RESF1: variants seen among roughly 807,000 people sequenced by gnomAD.
RESF1 encodes the protein retroelement silencing factor 1.
A neutral mutation model predicts 134.7 loss-of-function variants in RESF1; 65 were observed. The observed-to-expected ratio is 0.48, with a 90% CI of 0.40 to 0.59. The LOEUF (loss-of-function observed/expected upper bound fraction) is 0.59, where lower values mean the gene tolerates loss of function less well. Among genes scored for constraint, RESF1 ranks in the 20% least tolerant of loss-of-function variants. RESF1 has a pLI of 0.00. For synonymous variants in RESF1, 762 were observed against 702.2 expected (o/e 1.09, Z -1.35); for missense variants, 2,274 against 2,002.7 (o/e 1.14, Z -2.59).
rs143630974 is a variant in RESF1 at position 31,983,317 on chromosome 12, G to A, written c.2362G>A (p.Val788Met). 4.8e-4 allele frequency: 768 copies of A among 1,614,100 alleles called. 4 individuals carry two copies. In the African/African-American group the frequency reaches 9.4e-3, roughly 20 times the overall value. Residue 788 changes from valine to methionine, a missense_variant, in exon 4 of 6, where the codon GTG (valine) becomes ATG (methionine). Physicochemically the swap from Val to Met is conservative, Grantham distance 21. Transcript: ENST00000312561. Reference sequence around the variant, plus strand: ...AACACCTGCAGTGTTACCTGAAACAGTGTATCCCGTTATTAAAGAAGGCAG... The same window carrying A: ...AACACCTGCAGTGTTACCTGAAACAATGTATCCCGTTATTAAAGAAGGCAG... ...GITPAVLPET[V>M]YPVIKEGSVC... is the part of the protein sequence containing the mutation.
At chr12:31,976,517 C>G (rs1939636940) in intron 3 of RESF1, among the ~76,000 whole-genome samples, 2 of 152,014 alleles carry the variant, frequency 1.3e-5, no homozygotes, top group South Asian at 4.2e-4. Flanking sequence ...AACCCTGTCT[C>G]TACTAAAAAT....
rs768611975 is a variant in RESF1, at chr12:31,984,643, C to G, written c.3688C>G (p.Gln1230Glu). The G allele has an allele frequency of 2.5e-6, 4 of 1,575,278 alleles. No homozygotes were observed. The highest frequency in any genetic ancestry group is 3.4e-6 in the Non-Finnish European group (4 of 1,167,104). Residue 1230 changes from glutamine to glutamate, a missense_variant, in exon 4 of 6, where the codon CAA (glutamine) becomes GAA (glutamate). By Grantham distance (29) the Gln-to-Glu change is conservative (BLOSUM62 2). Coordinates refer to ENST00000312561, the MANE Select transcript of RESF1 (RefSeq NM_018169.4). ...TTCTGATAGAGATGTCACTGTTGTT[C>G]AATTTAAGAGCCTTGTAAATAATCC... ...RTSDRDVTVV[Q>E]FKSLVNNPKT...
chr12:31,985,038 G>C lies in RESF1; in HGVS notation c.4083G>C (p.Lys1361Asn), dbSNP rs1939931308. Residue 1361 changes from lysine (K) to asparagine (N), a missense_variant, in exon 4 of 6, where the codon AAG becomes AAC. By Grantham distance (94) the Lys-to-Asn change is moderately conservative. Coordinates refer to ENST00000312561, the MANE Select transcript of RESF1 (RefSeq NM_018169.4). ...SSLGQSLSPE[K>N]IKLKLKSVSF... ...TGGGACAGTCATTATCACCAGAAAA[G>C]ATAAAATTGAAACTCAAATCAGTTA... is the stretch of plus-strand genomic sequence containing the variant. 6.3e-7 allele frequency: 1 copy of C among 1,585,254 alleles called. No individual in the cohort carries two copies. The highest frequency in any genetic ancestry group is 8.5e-7 in the Non-Finnish European group (1 of 1,172,182).
intron 3 of RESF1, among the ~76,000 whole-genome samples, chr12:31,976,008 T>C (rs1939622591): frequency 6.6e-6 from 1 of 152,232 alleles, no homozygotes; most frequent in Non-Finnish European, 1.5e-5. Context: ...CTTTCCAAAG[T>C]GTTGGTTACT....
rs530299142 is a variant in RESF1, at chr12:31,962,959, C to T, written c.-247+2088C>T. Among the ~76,000 whole-genome samples, 56 of 152,116 alleles carry T rather than the reference C, an allele frequency of 3.7e-4. No homozygotes were observed. The South Asian group carries it at 0.011, about 29-fold the overall frequency. On this transcript the variant is annotated intron_variant, in intron 2 of 5. Transcript: ENST00000312561. ...CTAAAAGTACAAAAAATTAGCCAGG[C>T]GTGGTGGCACATGCCTGAAATCCCG...
At chr12:31,987,500 A>G (rs1940003194) in intron 5 of RESF1, among the ~76,000 whole-genome samples, 178 bp downstream of exon 5, 1 of 152,006 alleles carries the variant, frequency 6.6e-6, no homozygotes, top group African/African-American at 2.4e-5. Flanking sequence ...CGTGCTGTGG[A>G]ATGAAAGGCT....
intron 5 of RESF1, among the ~76,000 whole-genome samples, chr12:31,990,286 CACAA>C (rs1009034214): frequency 6.6e-6 from 1 of 152,058 alleles, no homozygotes; most frequent in African/African-American, 2.4e-5. Flanking sequence ...GAAAGAAAAA[CACAA>C]ACCAGGTACA....
rs914717303 is a variant in RESF1, at chr12:31,960,870, C to G, written c.-248C>G. 2.0e-5 allele frequency: 3 copies of G among 152,162 alleles called. No homozygotes were observed. Among genetic ancestry groups the G allele is most frequent in the African/African-American group, 7.2e-5 (3 of 41,436 alleles). 9.4% of individuals were successfully genotyped at this position (152,162 alleles called of 1,614,324 possible). ...AATTAAAGAGTAAAGTTGTGCTCAA[C>G]GGTAAGTGTATCACCTCTAAGAAAC... On this transcript the variant is annotated splice_region_variant and 5_prime_UTR_variant, in exon 2 of 6. Coordinates refer to ENST00000312561, the MANE Select transcript of RESF1 (RefSeq NM_018169.4).
In RESF1 at chr12:31,981,479, G is replaced by A. The variant is rs138191568; in HGVS notation, c.524G>A (p.Arg175Gln). The A allele has an allele frequency of 1.1e-4, 180 of 1,613,926 alleles. No homozygotes were observed. The East Asian group carries it at 2.9e-3, about 26-fold the overall frequency. Residue 175 changes from arginine to glutamine, a missense_variant, in exon 4 of 6, where the codon CGA becomes CAA. By Grantham distance (43) the Arg-to-Gln change is conservative. Transcript: ENST00000312561. ...QMQMIPSNST[R>Q]LPVAYQGNQG... ...CAGATGATCCCTTCTAATTCTACAC[G>A]ACTTCCTGTAGCTTACCAAGGAAAT...
chr12:31,977,079 C>G (rs192307253), intron 3 of RESF1, among the ~76,000 whole-genome samples: 1 of 152,026 alleles, frequency 6.6e-6, no homozygotes, highest in Non-Finnish European at 1.5e-5. Context: ...TTTTGATAAA[C>G]AGTGGTGATT....
chr12:31,984,812 T>C lies in RESF1; in HGVS notation c.3857T>C (p.Leu1286Pro), dbSNP rs1412545498. The change falls in exon 4 of 6, where the codon CTA (leucine) becomes CCA (proline). Residue 1286 changes from leucine to proline, a missense_variant. Physicochemically the swap from Leu to Pro is moderately conservative, Grantham distance 98. Coordinates refer to ENST00000312561, the MANE Select transcript of RESF1 (RefSeq NM_018169.4). ...AGQFSSKCDKLNPLQNHKRKK... is the reference protein window; with the variant it reads ...AGQFSSKCDKPNPLQNHKRKK... ...CAGTTTTCATCTAAATGTGATAAACTAAATCCCTTGCAAAATCACAAAAGA... is the reference window on the plus strand; with the variant it reads ...CAGTTTTCATCTAAATGTGATAAACCAAATCCCTTGCAAAATCACAAAAGA... 1.9e-6 allele frequency: 3 copies of C among 1,607,454 alleles called. No individual in the cohort carries two copies. The highest frequency in any genetic ancestry group is 2.7e-5 in the African/African-American group (2 of 74,354).
chr12:31,978,712 A>ATTT (rs35842957), intron 3 of RESF1, among the ~76,000 whole-genome samples: 2 of 121,902 alleles, frequency 1.6e-5, no homozygotes, highest in African/African-American at 3.0e-5. Flanking sequence ...CACCCAGCTA[A>ATTT]TTTTTTTTTT....
intron 5 of RESF1, among the ~76,000 whole-genome samples, chr12:31,991,508 A>G (rs1481926001): frequency 1.3e-5 from 2 of 152,248 alleles, no homozygotes; most frequent in African/African-American, 2.4e-5. Flanking sequence ...ATGTACAGAT[A>G]GTCCCTGACT....
At chr12:31,973,224 C>T (rs1939554584) in intron 3 of RESF1, among the ~76,000 whole-genome samples, 2 of 151,942 alleles carry the variant, frequency 1.3e-5, no homozygotes, top group African/African-American at 2.4e-5. Flanking sequence ...ATTATATCCA[C>T]AAGTAGATTA....
chr12:31,992,550 T>C lies in RESF1; in HGVS notation c.*15T>C. On this transcript the variant is annotated 3_prime_UTR_variant, in exon 6 of 6. Coordinates refer to ENST00000312561, the MANE Select transcript of RESF1 (RefSeq NM_018169.4). ...CTGTAAAATAATTACAAGATGTGGT[T>C]TTGTAATTGCCACTGGGAAATTTCT... The C allele has an allele frequency of 6.2e-7, 1 of 1,608,902 alleles. No homozygotes were observed. Among genetic ancestry groups the C allele is most frequent in the Non-Finnish European group, 8.5e-7 (1 of 1,177,530 alleles).
intron 5 of RESF1, among the ~76,000 whole-genome samples, chr12:31,987,729 A>G (rs1940007052): frequency 6.6e-6 from 1 of 151,296 alleles, no homozygotes; most frequent in South Asian, 2.1e-4. Flanking sequence ...CTATTTATTT[A>G]TTTATTTATT....
rs140726834 is a variant in RESF1 at position 31,985,000 on chromosome 12, A to G, written c.4045A>G (p.Lys1349Glu). ...TTTGCCAAATAAAGATGTGTATAAG[A>G]AGCATAGTTCTTTGGGACAGTCATT... ...AFLPNKDVYKKHSSLGQSLSP... is the reference protein window; with the variant it reads ...AFLPNKDVYKEHSSLGQSLSP... Residue 1349 changes from lysine (K) to glutamate (E), a missense_variant, in exon 4 of 6, where the codon AAG becomes GAG. Physicochemically the swap from Lys to Glu is moderately conservative, Grantham distance 56. Transcript: ENST00000312561. The G allele has an allele frequency of 3.4e-5, 54 of 1,609,724 alleles. No individual in the cohort carries two copies. The African/African-American group carries it at 3.5e-4, about 10-fold the overall frequency.
At chr12:31,991,613 C>CTGTTTGTTTGTT (rs150787872) in intron 5 of RESF1, among the ~76,000 whole-genome samples, 2 of 151,732 alleles carry the variant, frequency 1.3e-5, no homozygotes, top group African/African-American at 4.8e-5. Context: ...TACAGCAATT[C>CTGTTTGTTTGTT]TGTTTGTTTG....
chr12:31,960,453 G>GT (rs1292836884), intron 1 of RESF1, among the ~76,000 whole-genome samples: 35 of 152,234 alleles, frequency 2.3e-4, no homozygotes, highest in East Asian at 1.9e-4. Flanking sequence ...AAGGTTTTAG[G>GT]TTTTTTCCCC....
Sources: allele counts gnomAD v4.1 joint callset (sites outside exome capture counted in the v4.1 genomes callset), GRCh38; gene constraint gnomAD v4.1.1; transcripts MANE v1.5; gene names NCBI Gene and HGNC (gene_info 2026-07-23, HGNC 2026-07-21).